Variants in PLB1 observed in about 807,000 individuals in gnomAD.
PLB1 encodes the protein phospholipase B1, also known as phospholipase B1, membrane-associated.
Under a neutral mutation model 227.4 loss-of-function variants are expected in PLB1, and 242 were observed. The observed-to-expected ratio is 1.06, with a 90% CI of 0.96 to 1.18. The LOEUF is 1.18. Ranked by LOEUF, PLB1 falls within the 50% of genes most tolerant of loss-of-function variation. The pLI is 0.00. For synonymous variants in PLB1, 757 were observed against 682.2 expected (o/e 1.11, Z -1.71); for missense variants, 1,858 against 1,816.3 (o/e 1.02, Z -0.42).
chr2:28,515,652 G>A (rs1211860514), intron 1 of PLB1, among the ~76,000 whole-genome samples: 1 of 152,174 alleles, frequency 6.6e-6, no homozygotes, highest in East Asian at 1.9e-4. Flanking sequence ...AAGTAAAGCT[G>A]CAGAAGAAGG....
In PLB1 at chr2:28,496,148, C is replaced by T; in HGVS notation, c.34C>T (p.Leu12=). Residue 12 remains leucine, a synonymous_variant, in exon 1 of 58, where the codon CTG becomes TTG. Coordinates refer to ENST00000327757, the MANE Select transcript of PLB1 (RefSeq NM_153021.5). ...GLRPGIFLLE[L]LLLLGQGTPQ... ...GCGGCCAGGCATTTTCCTCCTGGAG[C>T]TGCTGCTGCTTCTGGGGCAAGGTAA... is the stretch of plus-strand genomic sequence containing the variant. 6.2e-7 allele frequency: 1 copy of T among 1,614,002 alleles called. No homozygotes were observed. The highest frequency in any genetic ancestry group is 8.5e-7 in the Non-Finnish European group (1 of 1,179,904).
intron 33 of PLB1, among the ~76,000 whole-genome samples, chr2:28,596,527 T>C (rs1682940724): frequency 6.6e-6 from 1 of 152,194 alleles, no homozygotes; most frequent in South Asian, 2.1e-4. Context: ...TATATCTTTA[T>C]TGAAGGAGAA....
intron 8 of PLB1, among the ~76,000 whole-genome samples, chr2:28,530,870 G>A (rs548875728): frequency 3.3e-5 from 5 of 152,362 alleles, no homozygotes; most frequent in African/African-American, 1.2e-4. Context: ...TCCTTGAACA[G>A]GAGAATTCCA....
At chr2:28,635,515 C>G (rs1219719398) in intron 56 of PLB1, among the ~76,000 whole-genome samples, 2 of 148,282 alleles carry the variant, frequency 1.3e-5, no homozygotes, top group Non-Finnish European at 3.0e-5. Flanking sequence ...CCCCACTGCT[C>G]CCAACCTGAT....
At chr2:28,641,074 CAG>C in intron 57 of PLB1, 73 bp downstream of exon 57, 1 of 1,412,804 alleles carries the variant, frequency 7.1e-7, no homozygotes, top group Non-Finnish European at 9.7e-7. Flanking sequence ...CCTGGAAGCA[CAG>C]AGGAGTCCCC....
chr2:28,567,619 C>A (rs368099578), intron 20 of PLB1, among the ~76,000 whole-genome samples: 1 of 151,492 alleles, frequency 6.6e-6, no homozygotes, highest in East Asian at 1.9e-4. Flanking sequence ...GACTACAGGC[C>A]CCCGCCACCA....
chr2:28,591,678 G>A (rs761286046), intron 30 of PLB1, 22 bp from the exon 31 acceptor site: 1 of 1,612,526 alleles, frequency 6.2e-7, no homozygotes, highest in African/African-American at 1.3e-5. Flanking sequence ...CTGAGATTCT[G>A]GGATTTGTTC....
At position 28,587,121 on chromosome 2, in the gene PLB1, C is replaced by T. The variant is rs59511707; in HGVS notation, c.1815+1279C>T. Among the ~76,000 whole-genome samples the T allele has an allele frequency of 5.8e-3, 876 of 152,302 alleles. 5 individuals are homozygous for T. The highest frequency in any genetic ancestry group is 0.019 in the African/African-American group (810 of 41,556). The stretch of plus-strand genomic sequence containing the variant: ...TCCCTGGCCCACATCAGAAGAGGGG[C>T]GGCAGCTGAGGTTATGGCCATGAGA... On this transcript the variant is annotated intron_variant, in intron 26 of 57. Coordinates refer to ENST00000327757, the MANE Select transcript of PLB1 (RefSeq NM_153021.5).
intron 50 of PLB1, among the ~76,000 whole-genome samples, chr2:28,626,188 G>A (rs1417829650): frequency 2.0e-5 from 3 of 151,822 alleles, no homozygotes; most frequent in African/African-American, 7.3e-5. Flanking sequence ...TGGAGACGGG[G>A]TTTCATCATG....
intron 12 of PLB1, 111 bp from the exon 13 acceptor site, chr2:28,541,596 C>G (rs562962823): frequency 1.3e-6 from 1 of 744,536 alleles, no homozygotes; most frequent in Non-Finnish European, 2.2e-6. Flanking sequence ...TTGACCACAA[C>G]GCAAGAGGCA....
chr2:28,592,961 A>T (rs1682236583), intron 32 of PLB1, among the ~76,000 whole-genome samples: 1 of 152,256 alleles, frequency 6.6e-6, no homozygotes, highest in South Asian at 2.1e-4. Context: ...TGAACACCCA[A>T]TAACACTTTT....
In PLB1 at chr2:28,496,096, TCA is replaced by T. The variant is rs1484948942; in HGVS notation, c.-17_-16del. The T allele has an allele frequency of 6.2e-7, 1 of 1,613,540 alleles. No individual in the cohort carries two copies. Among genetic ancestry groups the T allele is most frequent in the Non-Finnish European group, 8.5e-7 (1 of 1,179,626 alleles). On this transcript the variant is annotated 5_prime_UTR_variant, in exon 1 of 58. Transcript: ENST00000327757. ...GGAGCAGCTCTTCCAGAGGCCCGAGTCACCTGGAGCATTCTGGCATGGGGCTG... is the reference window on the plus strand; with the variant it reads ...GGAGCAGCTCTTCCAGAGGCCCGAGTCCTGGAGCATTCTGGCATGGGGCTG...
chr2:28,571,346 TAGA>T (rs143562073), intron 20 of PLB1, among the ~76,000 whole-genome samples: 4,401 of 152,264 alleles, frequency 0.029, 193 homozygotes, highest in African/African-American at 0.1. Context: ...ACTCATGGAT[TAGA>T]AGATTTAATA....
chr2:28,625,998 C>CTTTTT (rs774136235), intron 50 of PLB1, among the ~76,000 whole-genome samples: 1 of 137,076 alleles, frequency 7.3e-6, no homozygotes, highest in African/African-American at 2.7e-5. Context: ...TGTTGCTTTT[C>CTTTTT]TTTTTTTTTT....
intron 3 of PLB1, among the ~76,000 whole-genome samples, chr2:28,519,480 T>TTA (rs1669232468): frequency 6.6e-6 from 1 of 152,162 alleles, no homozygotes; most frequent in Non-Finnish European, 1.5e-5. Context: ...TCAAGTCCAG[T>TTA]TAACAGTGTG....
In PLB1 at chr2:28,598,040, C is replaced by G. The variant is rs746632049; in HGVS notation, c.2357C>G (p.Thr786Ser). 6.2e-7 allele frequency: 1 copy of G among 1,612,734 alleles called. No individual in the cohort carries two copies. Among genetic ancestry groups the G allele is most frequent in the African/African-American group, 1.3e-5 (1 of 74,876 alleles). Residue 786 changes from threonine to serine, a missense_variant, in exon 34 of 58, where the codon ACC (threonine) becomes AGC (serine). Physicochemically the swap from Thr to Ser is moderately conservative, Grantham distance 58 (BLOSUM62 1). Transcript: ENST00000327757. Reference protein sequence around the residue: ...GGDGSLENVTTLPNILREFNR... With the variant: ...GGDGSLENVTSLPNILREFNR... ...GACGGCTCCCTGGAGAATGTGACCA[C>G]CTTACCTAGTAAGTAACCATCAGGG...
chr2:28,632,192 C>A, intron 55 of PLB1, 52 bp downstream of exon 55: 1 of 1,411,408 alleles, frequency 7.1e-7, no homozygotes, highest in Non-Finnish European at 1.0e-6. Context: ...TTATCACAGA[C>A]GATGGATGTA....
chr2:28,550,832 G>A (rs376373430), intron 16 of PLB1, among the ~76,000 whole-genome samples: 1 of 152,102 alleles, frequency 6.6e-6, no homozygotes, highest in Non-Finnish European at 1.5e-5. Flanking sequence ...GAGCCACTAC[G>A]CCCAGCCATT....
intron 21 of PLB1, among the ~76,000 whole-genome samples, chr2:28,575,907 G>A (rs1678849546): frequency 6.6e-6 from 1 of 152,126 alleles, no homozygotes; most frequent in Admixed American, 6.5e-5. Context: ...GATGGGGATA[G>A]GATTAAAAGG....
Sources: allele counts gnomAD v4.1 joint callset (sites outside exome capture counted in the v4.1 genomes callset), GRCh38; gene constraint gnomAD v4.1.1; transcripts MANE v1.5; gene names NCBI Gene and HGNC (gene_info 2026-07-23, HGNC 2026-07-21).